UNC5D: variants seen among roughly 807,000 people sequenced by gnomAD.
The protein encoded by UNC5D is netrin receptor UNC5D.
UNC5D carries 39 observed loss-of-function variants against 105.4 expected under a neutral mutation model. That is an observed-to-expected ratio of 0.37 (90% confidence interval 0.29 to 0.48). UNC5D has a LOEUF of 0.48. UNC5D is among the 20% of genes least tolerant of loss of function. UNC5D has a pLI of 0.98. For synonymous variants in UNC5D, 452 were observed against 450.4 expected (o/e 1.00, Z -0.04); for missense variants, 991 against 1,202.4 (o/e 0.82, Z 2.60).
intron 1 of UNC5D, among the ~76,000 whole-genome samples, chr8:35,495,462 A>C (rs1811509934): frequency 1.4e-5 from 2 of 146,958 alleles, no homozygotes; most frequent in African/African-American, 5.1e-5. Flanking sequence ...CAACAACAAA[A>C]AAAAAAAAAA....
intron 2 of UNC5D, among the ~76,000 whole-genome samples, chr8:35,565,902 A>G (rs1050552855): frequency 6.6e-6 from 1 of 152,070 alleles, no homozygotes; most frequent in African/African-American, 2.4e-5. Flanking sequence ...TTTCTGTGAC[A>G]TTCTTCCCTC....
intron 1 of UNC5D, among the ~76,000 whole-genome samples, chr8:35,246,246 C>T (rs2128805535): frequency 6.6e-6 from 1 of 152,164 alleles, no homozygotes; most frequent in Middle Eastern, 3.4e-3. Flanking sequence ...TTTATCATTT[C>T]AGGAAGCTTT....
chr8:35,566,976 A>G (rs2579898), intron 2 of UNC5D, among the ~76,000 whole-genome samples: 53,482 of 151,880 alleles, frequency 0.35, 9,893 homozygotes, highest in African/African-American at 0.45. Context: ...AAAGAAAGAA[A>G]GGTTGATAGT....
chr8:35,511,474 T>TAAAA (rs60185539), intron 1 of UNC5D, among the ~76,000 whole-genome samples: 2 of 96,944 alleles, frequency 2.1e-5, no homozygotes, highest in Non-Finnish European at 2.4e-5. Flanking sequence ...CCTCTAAGAT[T>TAAAA]AAAAAAAAAA....
chr8:35,284,961 C>A (rs570042918), intron 1 of UNC5D, among the ~76,000 whole-genome samples: 2 of 152,146 alleles, frequency 1.3e-5, no homozygotes, highest in East Asian at 1.9e-4. Context: ...ACCTGGGGTG[C>A]TTTTTTTCCT....
At chr8:35,789,139 A>ATATATATG (rs1802893946) in intron 16 of UNC5D, among the ~76,000 whole-genome samples, 1 of 18,740 alleles carries the variant, frequency 5.3e-5, no homozygotes, top group Admixed American at 5.4e-4. Flanking sequence ...AGAAAAGACT[A>ATATATATG]TATATATATA....
intron 1 of UNC5D, among the ~76,000 whole-genome samples, chr8:35,388,431 G>C (rs763015428): frequency 2.0e-5 from 3 of 152,086 alleles, no homozygotes; most frequent in Non-Finnish European, 2.9e-5. Context: ...AAGTTGCCTA[G>C]CACTGAATCT....
At chr8:35,312,094 G>GC (rs1808932699) in intron 1 of UNC5D, among the ~76,000 whole-genome samples, 1 of 152,056 alleles carries the variant, frequency 6.6e-6, no homozygotes, top group Non-Finnish European at 1.5e-5. Context: ...AACTAACATT[G>GC]TTTTTCAATT....
At chr8:35,453,094 G>A (rs1367540935) in intron 1 of UNC5D, among the ~76,000 whole-genome samples, 1 of 151,988 alleles carries the variant, frequency 6.6e-6, no homozygotes, top group Admixed American at 6.6e-5. Flanking sequence ...CCTCTTTTTT[G>A]AATGCCCAAT....
chr8:35,331,739 G>A (rs1184147139), intron 1 of UNC5D, among the ~76,000 whole-genome samples: 4 of 152,236 alleles, frequency 2.6e-5, no homozygotes, highest in South Asian at 2.1e-4. Flanking sequence ...TCCTGACAGC[G>A]TAAAATAAGA....
intron 16 of UNC5D, among the ~76,000 whole-genome samples, chr8:35,787,618 GT>G (rs59198219): frequency 0.038 from 5,838 of 152,072 alleles, 383 homozygotes; most frequent in African/African-American, 0.13. Context: ...CGGTTTTTTT[GT>G]TTGTTTGTCT....
chr8:35,602,013 A>G (rs201365578), intron 4 of UNC5D, among the ~76,000 whole-genome samples: 4 of 152,064 alleles, frequency 2.6e-5, no homozygotes, highest in Admixed American at 6.6e-5. Flanking sequence ...ATGAAGGGTT[A>G]TTGAATTTTG....
chr8:35,426,733 T>A (rs1806273409), intron 1 of UNC5D, among the ~76,000 whole-genome samples: 1 of 152,162 alleles, frequency 6.6e-6, no homozygotes, highest in Non-Finnish European at 1.5e-5. Context: ...CCCTTTTCAA[T>A]GTTAGAAATT....
chr8:35,296,838 T>G (rs1807530151), intron 1 of UNC5D, among the ~76,000 whole-genome samples: 1 of 152,178 alleles, frequency 6.6e-6, no homozygotes, highest in Admixed American at 6.5e-5. Flanking sequence ...CCCTCTCCCT[T>G]ATACACAACA....
At chr8:35,577,996 G>A (rs531154920) in intron 3 of UNC5D, among the ~76,000 whole-genome samples, 4 of 152,096 alleles carry the variant, frequency 2.6e-5, no homozygotes, top group Admixed American at 6.5e-5. Flanking sequence ...AGGCTGGGGC[G>A]GATGGATCAC....
Position 35,722,243 on chromosome 8 carries a change from C to T in UNC5D, c.1151C>T (p.Ser384Leu), listed in dbSNP as rs1368009647. 9.3e-6 allele frequency: 15 copies of T among 1,613,982 alleles called. No individual in the cohort carries two copies. Among genetic ancestry groups the T allele is most frequent in the East Asian group, 6.7e-5 (3 of 44,878 alleles). The change falls in exon 9 of 17, where the codon TCG becomes TTG. Residue 384 changes from serine to leucine, a missense_variant. Transcript: ENST00000404895. ...IENASDIALY[S>L]GLGAAVVAVA... Reference sequence around the variant, plus strand: ...AATGCCAGCGACATTGCTTTGTACTCGGGCTTGGGTGCTGCCGTCGTGGCC... The same window carrying T: ...AATGCCAGCGACATTGCTTTGTACTTGGGCTTGGGTGCTGCCGTCGTGGCC...
intron 1 of UNC5D, among the ~76,000 whole-genome samples, chr8:35,399,516 C>A (rs1052688626): frequency 2.0e-5 from 3 of 152,026 alleles, no homozygotes; most frequent in Non-Finnish European, 2.9e-5. Context: ...TTTCAAGCCA[C>A]GTATTTTCTG....
intron 3 of UNC5D, among the ~76,000 whole-genome samples, chr8:35,579,516 C>T (rs1381896560): frequency 6.6e-6 from 1 of 152,030 alleles, no homozygotes. Context: ...GCCTAAGATA[C>T]ACTTCCTGAG....
chr8:35,385,408 T>C (rs1243949674), intron 1 of UNC5D, among the ~76,000 whole-genome samples: 4 of 151,666 alleles, frequency 2.6e-5, no homozygotes, highest in Non-Finnish European at 4.4e-5. Context: ...GGATGGTTAC[T>C]GTATTAGATA....
Sources: gnomAD v4.1 joint callset for allele counts (sites outside exome capture counted in the v4.1 genomes callset) on GRCh38, gnomAD v4.1.1 for gene constraint, MANE v1.5 for transcripts, NCBI Gene and HGNC (gene_info 2026-07-23, HGNC 2026-07-21) for gene names.